Variants in MYO1B observed in about 807,000 individuals in gnomAD.
MYO1B encodes the protein unconventional myosin-Ib.
A neutral mutation model predicts 159.7 loss-of-function variants in MYO1B; 72 were observed. The observed-to-expected ratio is 0.45, with a 90% CI of 0.37 to 0.55. MYO1B has a LOEUF of 0.55. Among genes scored for constraint, MYO1B ranks in the 20% least tolerant of loss-of-function variants. MYO1B has a pLI of 0.00. For synonymous variants in MYO1B, 468 were observed against 473.8 expected, an observed-to-expected ratio of 0.99 and a Z score of 0.16; for missense variants, 1,062 against 1,364.8, an observed-to-expected ratio of 0.78 and a Z score of 3.50.
chr2:191,383,006 A>G (rs1313917214), intron 14 of MYO1B, among the ~76,000 whole-genome samples: 1 of 152,208 alleles, frequency 6.6e-6, no homozygotes, highest in Non-Finnish European at 1.5e-5. Flanking sequence ...GGGCCAGTGA[A>G]GTGCATGGGA....
At chr2:191,421,877 G>A (rs930063628) in intron 30 of MYO1B, among the ~76,000 whole-genome samples, 1 of 152,170 alleles carries the variant, frequency 6.6e-6, no homozygotes, top group African/African-American at 2.4e-5. Context: ...ATACATACAA[G>A]TATATATGCC....
intron 1 of MYO1B, among the ~76,000 whole-genome samples, chr2:191,249,766 CCATTT>C (rs1686003591): frequency 6.6e-6 from 1 of 152,134 alleles, no homozygotes; most frequent in African/African-American, 2.4e-5. Context: ...AGCTAGGACA[CCATTT>C]GGGGTCTTCA....
intron 3 of MYO1B, among the ~76,000 whole-genome samples, chr2:191,323,567 T>G (rs540045599): frequency 1.3e-5 from 2 of 152,300 alleles, no homozygotes; most frequent in South Asian, 2.1e-4. Flanking sequence ...TGAAACGTGG[T>G]ATATGTTGAG....
intron 2 of MYO1B, among the ~76,000 whole-genome samples, chr2:191,289,059 T>C (rs1688545769): frequency 6.6e-6 from 1 of 152,242 alleles, no homozygotes; most frequent in Admixed American, 6.5e-5. Context: ...ATGATTACGA[T>C]TGAATCTTTT....
At chr2:191,390,213 T>C (rs1695660273) in intron 17 of MYO1B, 79 bp from the exon 18 acceptor site, 1 of 1,293,016 alleles carries the variant, frequency 7.7e-7, no homozygotes, top group Non-Finnish European at 1.1e-6. Flanking sequence ...GAAACAGTTA[T>C]ATATAATACT....
At chr2:191,418,771 G>A (rs1697743055) in intron 30 of MYO1B, among the ~76,000 whole-genome samples, 1 of 152,150 alleles carries the variant, frequency 6.6e-6, no homozygotes, top group Non-Finnish European at 1.5e-5. Context: ...TTACAGGCGT[G>A]AGCCACCGCG....
In MYO1B at chr2:191,362,775, C is replaced by G. The variant is rs143870518; in HGVS notation, c.765+404C>G. Among the ~76,000 whole-genome samples the G allele has an allele frequency of 5.9e-5, 9 of 152,212 alleles. 1 individual carries two copies. In the East Asian group the frequency reaches 1.7e-3, roughly 29 times the overall value. On this transcript the variant is annotated intron_variant, in intron 9 of 30. Transcript: ENST00000392318. ...ATAGTTTCAGAAACTCATATATAAA[C>G]CCGAGCGATTAGCATTCCACATTCA...
Position 191,346,749 on chromosome 2 carries a change from G to A in MYO1B, c.498+467G>A, listed in dbSNP as rs143179141. ...CTTGGCAACAAAAGCAAGCATGTGG[G>A]GTGAGCGTGGGGCTGTAGAGTAGAA... On this transcript the variant is annotated intron_variant, in intron 6 of 30. Coordinates refer to ENST00000392318, the MANE Select transcript of MYO1B (RefSeq NM_001130158.3). Among the ~76,000 whole-genome samples, 8 of 152,284 alleles carry A rather than the reference G, an allele frequency of 5.3e-5. No individual in the cohort carries two copies. In the East Asian group the frequency reaches 1.5e-3, roughly 29 times the overall value.
rs558847427 is a variant in MYO1B at position 191,322,408 on chromosome 2, C to G, written c.252-7527C>G. On this transcript the variant is annotated intron_variant, in intron 3 of 30. Coordinates refer to ENST00000392318, the MANE Select transcript of MYO1B (RefSeq NM_001130158.3). ...AATGTGTGTCTCCAATACCTGGCTT[C>G]TGCAATCCACCTTTGAAAAAGAGTC... Among the ~76,000 whole-genome samples, 10 of 152,262 alleles carry G rather than the reference C, an allele frequency of 6.6e-5. No homozygotes were observed. In the South Asian group the frequency reaches 1.7e-3, roughly 25 times the overall value.
At chr2:191,268,395 A>G (rs1687266970) in intron 1 of MYO1B, among the ~76,000 whole-genome samples, 1 of 152,154 alleles carries the variant, frequency 6.6e-6, no homozygotes, top group Non-Finnish European at 1.5e-5. Context: ...TCTAAACCAA[A>G]TTACTTTCCA....
chr2:191,258,556 A>C (rs1262058876), intron 1 of MYO1B, among the ~76,000 whole-genome samples: 1 of 152,234 alleles, frequency 6.6e-6, no homozygotes, highest in African/African-American at 2.4e-5. Context: ...ACTGCATTTT[A>C]AACTTATGGG....
At chr2:191,276,791 T>G in intron 1 of MYO1B, 96 bp from the exon 2 acceptor site, 3 of 1,387,942 alleles carry the variant, frequency 2.2e-6, no homozygotes, top group Non-Finnish European at 2.0e-6. Context: ...TGAGAGTCAT[T>G]TGGAGCTACC....
intron 3 of MYO1B, among the ~76,000 whole-genome samples, chr2:191,302,502 A>G (rs1203154695): frequency 6.6e-6 from 1 of 152,032 alleles, no homozygotes; most frequent in Non-Finnish European, 1.5e-5. Context: ...TTCATTTTTT[A>G]AAAAAAGCAA....
chr2:191,299,001 G>A (rs1689149322), intron 3 of MYO1B, among the ~76,000 whole-genome samples: 2 of 152,244 alleles, frequency 1.3e-5, no homozygotes, highest in Admixed American at 1.3e-4. Flanking sequence ...AATCTTGACT[G>A]TGCCTCAGTT....
intron 4 of MYO1B, among the ~76,000 whole-genome samples, chr2:191,336,877 G>A (rs866282973): frequency 6.6e-6 from 1 of 152,088 alleles, no homozygotes; most frequent in South Asian, 2.1e-4. Context: ...CTTAACTAGA[G>A]AGATAGAGAG....
chr2:191,338,665 A>G (rs980188206), intron 4 of MYO1B, among the ~76,000 whole-genome samples: 3 of 152,210 alleles, frequency 2.0e-5, no homozygotes, highest in African/African-American at 7.2e-5. Flanking sequence ...CTGCTAAAGC[A>G]GTTGTCCTCT....
At chr2:191,299,589 G>T (rs1421800287) in intron 3 of MYO1B, among the ~76,000 whole-genome samples, 1 of 152,174 alleles carries the variant, frequency 6.6e-6, no homozygotes, top group Non-Finnish European at 1.5e-5. Context: ...CCGTACTAAG[G>T]CTAGATCCGT....
chr2:191,308,821 A>T (rs1284872733), intron 3 of MYO1B, among the ~76,000 whole-genome samples: 2 of 152,114 alleles, frequency 1.3e-5, no homozygotes, highest in African/African-American at 4.8e-5. Context: ...TTCTTCCTTT[A>T]TCAGCAACAT....
chr2:191,284,779 C>T (rs941744137), intron 2 of MYO1B, among the ~76,000 whole-genome samples: 2 of 152,124 alleles, frequency 1.3e-5, no homozygotes, highest in African/African-American at 2.4e-5. Flanking sequence ...ATTACAGGCA[C>T]ATGCTGCCAC....
Sources: allele counts gnomAD v4.1 joint callset (sites outside exome capture counted in the v4.1 genomes callset), GRCh38; gene constraint gnomAD v4.1.1; transcripts MANE v1.5; gene names NCBI Gene and HGNC (gene_info 2026-07-23, HGNC 2026-07-21).